Variants in ERBB4 observed in about 807,000 individuals in gnomAD.
The protein encoded by ERBB4 is receptor tyrosine-protein kinase erbB-4.
Under a neutral mutation model 158.0 loss-of-function variants are expected in ERBB4, and 42 were observed. The observed-to-expected ratio is 0.27, with a 90% CI of 0.21 to 0.34. The LOEUF is 0.34. ERBB4 is among the 10% of genes least tolerant of loss of function. The probability of loss-of-function intolerance (pLI) is 1.00; values close to 1 mark genes in which losing one functional copy is unlikely to be tolerated. For missense variants in ERBB4, 1,333 were observed against 1,624.1 expected (o/e 0.82, Z 3.08); for synonymous variants, 583 against 558.7 (o/e 1.04, Z -0.61).
chr2:212,487,476 A>G (rs79679558), intron 1 of ERBB4, among the ~76,000 whole-genome samples: 5,908 of 152,140 alleles, frequency 0.039, 169 homozygotes, highest in South Asian at 0.1. Context: ...TTAAGTTTTA[A>G]AAGTTCTGTA....
intron 1 of ERBB4, among the ~76,000 whole-genome samples, chr2:212,157,117 C>T (rs2081059008): frequency 6.6e-6 from 1 of 152,082 alleles, no homozygotes; most frequent in African/African-American, 2.4e-5. Context: ...GCATATCAGA[C>T]CTTCAGGACC....
chr2:211,454,258 T>C (rs2064324702), intron 20 of ERBB4, among the ~76,000 whole-genome samples: 1 of 152,188 alleles, frequency 6.6e-6, no homozygotes, highest in South Asian at 2.1e-4. Context: ...ATTAAGAATA[T>C]TTGTAACCTG....
chr2:212,464,377 TA>T (rs1222742800), intron 1 of ERBB4, among the ~76,000 whole-genome samples: 1 of 152,102 alleles, frequency 6.6e-6, no homozygotes. Context: ...TCCATTCCGG[TA>T]GAATCATTTT....
At chr2:212,404,504 T>C (rs990773512) in intron 1 of ERBB4, among the ~76,000 whole-genome samples, 6 of 152,140 alleles carry the variant, frequency 3.9e-5, no homozygotes, top group Admixed American at 1.3e-4. Context: ...CTTATGACAC[T>C]GGTAGTAGTA....
intron 4 of ERBB4, among the ~76,000 whole-genome samples, chr2:211,760,614 A>C (rs2075385674): frequency 6.6e-6 from 1 of 152,232 alleles, no homozygotes; most frequent in African/African-American, 2.4e-5. Flanking sequence ...GAGACACATT[A>C]GAATTTCAAA....
chr2:212,280,015 T>A (rs989551330), intron 1 of ERBB4, among the ~76,000 whole-genome samples: 1 of 151,676 alleles, frequency 6.6e-6, no homozygotes. Flanking sequence ...TTTTGATATC[T>A]GCAATTGAAT....
intron 1 of ERBB4, among the ~76,000 whole-genome samples, chr2:212,470,401 A>T (rs1689057950): frequency 6.6e-6 from 1 of 152,086 alleles, no homozygotes; most frequent in Non-Finnish European, 1.5e-5. Context: ...TAAAATAAGG[A>T]TTGCCTATCA....
At chr2:212,087,164 C>G (rs1365346183) in intron 2 of ERBB4, among the ~76,000 whole-genome samples, 1 of 151,778 alleles carries the variant, frequency 6.6e-6, no homozygotes, top group Admixed American at 6.6e-5. Context: ...ATGACATCAA[C>G]ACACACATAC....
At chr2:211,920,389 C>T (rs1559103081) in intron 3 of ERBB4, among the ~76,000 whole-genome samples, 1 of 151,932 alleles carries the variant, frequency 6.6e-6, no homozygotes, top group African/African-American at 2.4e-5. Context: ...TCCTATGTTA[C>T]ATGATAGATC....
intron 2 of ERBB4, among the ~76,000 whole-genome samples, chr2:212,036,427 C>T (rs1483816556): frequency 2.0e-5 from 3 of 151,734 alleles, no homozygotes; most frequent in African/African-American, 4.8e-5. Context: ...CAGCATTATA[C>T]CAGACGCCGT....
chr2:212,360,654 G>A (rs992129410), intron 1 of ERBB4, among the ~76,000 whole-genome samples: 1 of 151,560 alleles, frequency 6.6e-6, no homozygotes, highest in African/African-American at 2.4e-5. Context: ...TATTTACCAA[G>A]ATTTTAAGGA....
chr2:212,310,881 A>G (rs2087015329), intron 1 of ERBB4, among the ~76,000 whole-genome samples: 1 of 150,632 alleles, frequency 6.6e-6, no homozygotes, highest in East Asian at 2.0e-4. Flanking sequence ...AATGAAATTC[A>G]TTTACATAAT....
At chr2:212,411,727 C>T (rs951067678) in intron 1 of ERBB4, among the ~76,000 whole-genome samples, 4 of 152,160 alleles carry the variant, frequency 2.6e-5, no homozygotes, top group African/African-American at 9.7e-5. Context: ...AACAGTCTCT[C>T]TCTCCCTTGC....
chr2:211,427,731 T>C (rs1011880929), intron 22 of ERBB4, among the ~76,000 whole-genome samples: 34 of 152,128 alleles, frequency 2.2e-4, no homozygotes, highest in Admixed American at 5.9e-4. Flanking sequence ...AAGTTGGTTT[T>C]GTTTTTGTTT....
At position 211,944,176 on chromosome 2, in the gene ERBB4, A is replaced by ATATATATATATATATATAGT. The variant is rs1559154416; in HGVS notation, c.421+3253_421+3254insACTATATATATATATATATA. On this transcript the variant is annotated intron_variant, in intron 3 of 27. Coordinates refer to ENST00000342788, the MANE Select transcript of ERBB4 (RefSeq NM_005235.3). The stretch of plus-strand genomic sequence containing the variant: ...CTATATATATACACTATATATATAT[A>ATATATATATATATATATAGT]CTATATATATATATATATATATACT... Among the ~76,000 whole-genome samples, 4 of 16,282 alleles carry ATATATATATATATATATAGT rather than the reference A, an allele frequency of 2.5e-4. No homozygotes were observed. The Admixed American group carries it at 3.6e-3, about 14-fold the overall frequency. The allele number at this position is 16,282 out of a possible 152,430, so 10.7% of individuals were successfully genotyped here.
chr2:212,052,065 T>G (rs2077414040), intron 2 of ERBB4, among the ~76,000 whole-genome samples: 1 of 152,100 alleles, frequency 6.6e-6, no homozygotes, highest in Non-Finnish European at 1.5e-5. Flanking sequence ...TTTGAGTCAG[T>G]GGAATGGGAG....
At chr2:211,541,530 A>G (rs763760001) in intron 20 of ERBB4, among the ~76,000 whole-genome samples, 1 of 151,974 alleles carries the variant, frequency 6.6e-6, no homozygotes, top group East Asian at 1.9e-4. Flanking sequence ...TTTCTTTAGC[A>G]ATGGTTAAAT....
chr2:211,596,064 C>A (rs2125802830), intron 19 of ERBB4, among the ~76,000 whole-genome samples: 1 of 152,094 alleles, frequency 6.6e-6, no homozygotes, highest in South Asian at 2.1e-4. Flanking sequence ...AATCATATTT[C>A]AAGAAAATTA....
chr2:211,738,707 C>T (rs1483260016), intron 5 of ERBB4, among the ~76,000 whole-genome samples: 1 of 150,448 alleles, frequency 6.6e-6, no homozygotes, highest in African/African-American at 2.4e-5. Flanking sequence ...TCCTCTGTCG[C>T]CCAGACTAGA....
Sources: allele counts gnomAD v4.1 joint callset (sites outside exome capture counted in the v4.1 genomes callset), GRCh38; gene constraint gnomAD v4.1.1; transcripts MANE v1.5; gene names NCBI Gene and HGNC (gene_info 2026-07-23, HGNC 2026-07-21).